Variants in PAK6 observed in about 807,000 individuals in gnomAD.
PAK6 encodes serine/threonine-protein kinase PAK 6.
Under a neutral mutation model 60.8 loss-of-function variants are expected in PAK6, and 33 were observed. The ratio of observed to expected loss-of-function variants is 0.54; its 90% confidence interval spans 0.41 to 0.73. PAK6 has a LOEUF of 0.73. Ranked by LOEUF, PAK6 falls within the 30% of genes least tolerant of loss-of-function variation. PAK6 has a pLI of 0.00. For missense variants in PAK6, 845 were observed against 904.1 expected, an observed-to-expected ratio of 0.93 and a Z score of 0.84; for synonymous variants, 404 against 378.5, an observed-to-expected ratio of 1.07 and a Z score of -0.78.
exon 5 of PAK6, chr15:40,266,247 C>T (rs1197359349): frequency 6.2e-7 from 1 of 1,610,614 alleles, no homozygotes; most frequent in African/African-American, 1.3e-5. Context: ...GAGCTCCCCA[C>T]CAGGAGCCTC....
At chr15:40,265,336 G>C (rs1165195983) in intron 4 of PAK6, among the ~76,000 whole-genome samples, 1 of 152,228 alleles carries the variant, frequency 6.6e-6, no homozygotes, top group African/African-American at 2.4e-5. Flanking sequence ...GGCTCTCCCA[G>C]ACCAGGAGAA....
intron 2 of PAK6, among the ~76,000 whole-genome samples, chr15:40,250,419 T>C (rs1425151614): frequency 6.6e-6 from 1 of 152,136 alleles, no homozygotes; most frequent in Non-Finnish European, 1.5e-5. Flanking sequence ...TGTATCCAGT[T>C]CTCTGGCCTA....
chr15:40,265,982 G>T lies in PAK6; in HGVS notation c.345G>T (p.Gly115=), dbSNP rs1403878946. 4 of 1,602,664 alleles carry T rather than the reference G, an allele frequency of 2.5e-6. No homozygotes were observed. The African/African-American group carries it at 4.0e-5, about 16-fold the overall frequency. The stretch of plus-strand genomic sequence containing the variant: ...GCCGGCGGCGGGCACAGTCCCTGGG[G>T]CTGCTGGGGGATGAGCACTGGGCCA... Residue 115 remains glycine, a synonymous_variant, in exon 5 of 11, where the codon GGG becomes GGT. Transcript: ENST00000560346.
At chr15:40,270,672 G>A (rs1341484103) in intron 5 of PAK6, among the ~76,000 whole-genome samples, 4 of 152,236 alleles carry the variant, frequency 2.6e-5, no homozygotes, top group Admixed American at 2.6e-4. Flanking sequence ...ATGGGAGAAT[G>A]TTTACTGTCC....
intron 2 of PAK6, chr15:40,245,846 G>T (rs1595564827): frequency 6.6e-6 from 1 of 152,454 alleles, no homozygotes; most frequent in East Asian, 1.9e-4. Context: ...GCTACCAAGG[G>T]GCCCATGCAG....
intron 3 of PAK6, chr15:40,259,459 C>A (rs1363298231): frequency 1.3e-5 from 2 of 152,242 alleles, no homozygotes; most frequent in African/African-American, 2.4e-5. Context: ...AGGCACTCAG[C>A]CTCCATGGAT....
intron 5 of PAK6, among the ~76,000 whole-genome samples, chr15:40,271,473 G>A (rs1404301159): frequency 6.6e-6 from 1 of 152,138 alleles, no homozygotes; most frequent in South Asian, 2.1e-4. Context: ...ACTCCTTTAG[G>A]GGGTCCTTAA....
intron 9 of PAK6, 179 bp downstream of exon 9, chr15:40,273,855 A>T (rs2039377911): frequency 7.7e-6 from 6 of 781,848 alleles, no homozygotes; most frequent in South Asian, 7.1e-5. Context: ...GCTGCCAGGA[A>T]CGAGTCCTGC....
chr15:40,243,472 AT>A lies in PAK6; in HGVS notation c.-118+2792del, dbSNP rs2038413732. Among the ~76,000 whole-genome samples, 4 of 152,230 alleles carry A rather than the reference AT, an allele frequency of 2.6e-5. No homozygotes were observed. The South Asian group carries it at 8.3e-4, about 31-fold the overall frequency. The stretch of plus-strand genomic sequence containing the variant: ...GTTGTTGAGAGGATTAAATAAGATA[AT>A]AAGTGAATGCTCTGAATGGCATGAC... On this transcript the variant is annotated intron_variant, in intron 2 of 10. Transcript: ENST00000560346.
In PAK6 at chr15:40,252,746, C is replaced by A. The variant is rs1251424253; in HGVS notation, c.-117-432C>A. On this transcript the variant is annotated intron_variant, in intron 2 of 10. Transcript: ENST00000560346. ...CGGCGAGAGGACGGGCCTCCCAACA[C>A]GCGCAGCCCCCTTCCTGGGTGCCCA... 3.1e-6 allele frequency: 4 copies of A among 1,302,190 alleles called. No individual in the cohort carries two copies. The highest frequency in any genetic ancestry group is 3.0e-6 in the Non-Finnish European group (3 of 989,670). 80.7% of individuals were successfully genotyped at this position (1,302,190 alleles called of 1,614,324 possible).
At chr15:40,248,193 A>G (rs879619227) in intron 2 of PAK6, among the ~76,000 whole-genome samples, 5 of 152,072 alleles carry the variant, frequency 3.3e-5, no homozygotes, top group Non-Finnish European at 7.4e-5. Flanking sequence ...GGGGACCCCA[A>G]GGGCCTGGCA....
At chr15:40,273,925 G>A in intron 9 of PAK6, 1 of 669,994 alleles carries the variant, frequency 1.5e-6, no homozygotes, top group Non-Finnish European at 2.5e-6. Context: ...ATGTATGATG[G>A]CCTTTCTCTG....
chr15:40,247,766 GCT>G lies in PAK6; in HGVS notation c.-117-5407_-117-5406del, dbSNP rs2038535099. Among the ~76,000 whole-genome samples, 2 of 152,156 alleles carry G rather than the reference GCT, an allele frequency of 1.3e-5. 1 individual carries two copies. Among genetic ancestry groups the G allele is most frequent in the South Asian group, 4.1e-4 (2 of 4,824 alleles). On this transcript the variant is annotated intron_variant, in intron 2 of 10. Transcript: ENST00000560346. Reference sequence around the variant, plus strand: ...AGACAGTGCTACCCCCTGGCGCTGGGCTCTCTTTCCGGAACCCGGGGTGAACA... The same window carrying G: ...AGACAGTGCTACCCCCTGGCGCTGGGCTCTTTCCGGAACCCGGGGTGAACA...
chr15:40,266,053 A>G (rs749858992), exon 5 of PAK6: 2 of 1,606,470 alleles, frequency 1.2e-6, no homozygotes, highest in Non-Finnish European at 1.7e-6. Flanking sequence ...GAGCGCACTG[A>G]CCCCCACGGC....
At chr15:40,243,346 G>A (rs1015133817) in intron 2 of PAK6, among the ~76,000 whole-genome samples, 1 of 152,158 alleles carries the variant, frequency 6.6e-6, no homozygotes, top group Non-Finnish European at 1.5e-5. Context: ...CTCAGGCCCG[G>A]TGCTGCCTCT....
intron 10 of PAK6, among the ~76,000 whole-genome samples, chr15:40,275,362 T>TGCAACCTCCGCCTCCTGGGTTCAA (rs2039428602): frequency 7.2e-6 from 1 of 138,932 alleles, no homozygotes; most frequent in Admixed American, 7.6e-5. Context: ...CTCAGCTCAC[T>TGCAACCTCCGCCTCCTGGGTTCAA]GCAACCTCCG....
chr15:40,274,314 A>T (rs1014485041), intron 10 of PAK6, 38 bp downstream of exon 10: 4 of 1,547,176 alleles, frequency 2.6e-6, no homozygotes, highest in Non-Finnish European at 3.5e-6. Flanking sequence ...CGCAGACCCC[A>T]TTCCTCCTGA....
exon 7 of PAK6, chr15:40,272,876 T>G: frequency 6.2e-7 from 1 of 1,613,868 alleles, no homozygotes; most frequent in Non-Finnish European, 8.5e-7. Flanking sequence ...GTGGTGATCA[T>G]GCGGGACTAC....
At chr15:40,257,682 G>A (rs554162801) in intron 3 of PAK6, among the ~76,000 whole-genome samples, 40 of 152,324 alleles carry the variant, frequency 2.6e-4, no homozygotes, top group Non-Finnish European at 4.0e-4. Context: ...TTAACGGCAG[G>A]CATCCTCTGT....
Sources: gnomAD v4.1 joint callset for allele counts (sites outside exome capture counted in the v4.1 genomes callset) on GRCh38, gnomAD v4.1.1 for gene constraint, MANE v1.5 for transcripts, NCBI Gene and HGNC (gene_info 2026-07-23, HGNC 2026-07-21) for gene names.